PGAP1: variants seen among roughly 807,000 people sequenced by gnomAD.
PGAP1 encodes the protein post-GPI attachment to proteins inositol deacylase 1, also known as GPI inositol-deacylase.
Under a neutral mutation model 127.0 loss-of-function variants are expected in PGAP1, and 76 were observed. That is an observed-to-expected ratio of 0.60 (90% CI 0.50 to 0.72). PGAP1 has a LOEUF of 0.72. Among genes scored for constraint, PGAP1 ranks in the 30% least tolerant of loss-of-function variants. The probability of loss-of-function intolerance (pLI) is 0.00; values close to 1 mark genes in which losing one functional copy is unlikely to be tolerated. For synonymous variants in PGAP1, 362 were observed against 366.5 expected (o/e 0.99, Z 0.14); for missense variants, 982 against 1,071.3 (o/e 0.92, Z 1.16).
chr2:196,837,416 C>T lies in PGAP1; in HGVS notation c.*3818G>A, dbSNP rs992309259. 2.6e-5 allele frequency: 4 copies of T among 152,186 alleles called. No homozygotes were observed. Among genetic ancestry groups the T allele is most frequent in the African/African-American group, 9.7e-5 (4 of 41,386 alleles). 9.4% of individuals were successfully genotyped at this position (152,186 alleles called of 1,614,324 possible). A position where few individuals can be genotyped will look rare whatever the true frequency, so the allele number is the denominator to read the frequency against. On this transcript the variant is annotated 3_prime_UTR_variant, in exon 27 of 27. Transcript: ENST00000354764. ...GCCGAGGTGGGAGGATCGCTTGAAACCAGGAGTTCAAGATCAGCTTGGGCA... is the reference window on the plus strand; with the variant it reads ...GCCGAGGTGGGAGGATCGCTTGAAATCAGGAGTTCAAGATCAGCTTGGGCA...
Position 196,839,421 on chromosome 2 carries a change from T to G in PGAP1, c.*1813A>C, listed in dbSNP as rs528476301. On this transcript the variant is annotated 3_prime_UTR_variant, in exon 27 of 27. Transcript: ENST00000354764. ...GGGACAAGTATATAATCTAATAAATTCTCTCTCTTTCCTCTCCAGCTGAAA... is the reference window on the plus strand; with the variant it reads ...GGGACAAGTATATAATCTAATAAATGCTCTCTCTTTCCTCTCCAGCTGAAA... 1.3e-5 allele frequency: 2 copies of G among 152,296 alleles called. No individual in the cohort carries two copies. The highest frequency in any genetic ancestry group is 3.9e-4 in the East Asian group (2 of 5,184). The allele number at this position is 152,296 out of a possible 1,614,324, so 9.4% of individuals were successfully genotyped here. A position where few individuals can be genotyped will look rare whatever the true frequency, so the allele number is the denominator to read the frequency against.
At chr2:196,900,329 T>C (rs2125825575) in intron 5 of PGAP1, among the ~76,000 whole-genome samples, 1 of 152,334 alleles carries the variant, frequency 6.6e-6, no homozygotes, top group Non-Finnish European at 1.5e-5. Context: ...TCATTATCTG[T>C]GTGGGACTAT....
rs1432578048 is a variant in PGAP1 at position 196,847,218 on chromosome 2, T to C, written c.1953-18A>G. On this transcript the variant is annotated intron_variant, in intron 21 of 26. Transcript: ENST00000354764. Reference sequence around the variant, plus strand: ...ATTTATACCTGTGGAGAAAAGAAAATATAAAAGCAAAAAACCCAACAACTG... The same window carrying C: ...ATTTATACCTGTGGAGAAAAGAAAACATAAAAGCAAAAAACCCAACAACTG... 3.2e-6 allele frequency: 5 copies of C among 1,575,934 alleles called. No homozygotes were observed. Among genetic ancestry groups the C allele is most frequent in the Non-Finnish European group, 4.3e-6 (5 of 1,158,716 alleles).
intron 3 of PGAP1, 85 bp downstream of exon 3, chr2:196,916,333 T>C (rs1248504006): frequency 8.1e-7 from 1 of 1,231,910 alleles, no homozygotes; most frequent in African/African-American, 1.5e-5. Context: ...TATAAACAAA[T>C]ACATGATTTA....
intron 10 of PGAP1, among the ~76,000 whole-genome samples, chr2:196,888,951 A>C (rs570537950): frequency 1.7e-4 from 26 of 152,302 alleles, no homozygotes; most frequent in Admixed American, 1.6e-3. Flanking sequence ...AGTATTGATA[A>C]CTGTTAAAGC....
intron 9 of PGAP1, among the ~76,000 whole-genome samples, chr2:196,891,716 A>G (rs1397372459): frequency 6.6e-6 from 1 of 152,146 alleles, no homozygotes; most frequent in Non-Finnish European, 1.5e-5. Context: ...GTAAGTATAT[A>G]GAATTAACTA....
At chr2:196,855,877 G>C (rs1234678474) in intron 20 of PGAP1, among the ~76,000 whole-genome samples, 1 of 152,156 alleles carries the variant, frequency 6.6e-6, no homozygotes. Context: ...TGTTATATTT[G>C]AGAAGATGCA....
At chr2:196,857,083 A>C (rs1333157831) in intron 20 of PGAP1, among the ~76,000 whole-genome samples, 1 of 152,198 alleles carries the variant, frequency 6.6e-6, no homozygotes, top group Non-Finnish European at 1.5e-5. Flanking sequence ...GGGCATCGAA[A>C]TAGGAAGAGA....
intron 7 of PGAP1, 53 bp from the exon 8 acceptor site, chr2:196,893,298 T>C: frequency 2.1e-6 from 2 of 965,864 alleles, no homozygotes; most frequent in South Asian, 2.9e-5. Flanking sequence ...TGTAATAGCT[T>C]GATGAAACAT....
chr2:196,892,696 G>A (rs1023388275), intron 8 of PGAP1, among the ~76,000 whole-genome samples: 1 of 151,840 alleles, frequency 6.6e-6, no homozygotes, highest in Non-Finnish European at 1.5e-5. Context: ...AATATAACAG[G>A]TATAATTTGC....
intron 3 of PGAP1, among the ~76,000 whole-genome samples, chr2:196,913,636 C>T (rs1457880952): frequency 6.6e-6 from 1 of 152,148 alleles, no homozygotes; most frequent in African/African-American, 2.4e-5. Flanking sequence ...CAACAATCTC[C>T]TCAGTCTCAT....
intron 24 of PGAP1, 46 bp from the exon 25 acceptor site, chr2:196,844,121 T>C (rs779744759): frequency 1.8e-6 from 2 of 1,129,828 alleles, no homozygotes; most frequent in Non-Finnish European, 2.4e-6. Context: ...AACAAAAGTA[T>C]ATTACTTTAT....
chr2:196,916,338 G>T lies in PGAP1; in HGVS notation c.477+80C>A, dbSNP rs144588150. On this transcript the variant is annotated intron_variant, in intron 3 of 26. Transcript: ENST00000354764. Reference sequence around the variant, plus strand: ...TCAACTTCCATATAAACAAATACATGATTTAAAGTATACTGAATCCCTTTT... The same window carrying T: ...TCAACTTCCATATAAACAAATACATTATTTAAAGTATACTGAATCCCTTTT... 1,007 of 1,258,488 alleles carry T rather than the reference G, an allele frequency of 8.0e-4. 6 individuals carry two copies. The African/African-American group carries it at 0.014, about 17-fold the overall frequency. 78.0% of individuals were successfully genotyped at this position (1,258,488 alleles called of 1,614,324 possible). A position where few individuals can be genotyped will look rare whatever the true frequency, so the allele number is the denominator to read the frequency against.
intron 25 of PGAP1, among the ~76,000 whole-genome samples, chr2:196,843,669 C>G (rs1291010383): frequency 6.6e-6 from 1 of 152,024 alleles, no homozygotes; most frequent in African/African-American, 2.4e-5. Context: ...GCGGAAGTTG[C>G]AGTGAGCTGA....
intron 7 of PGAP1, 137 bp from the exon 8 acceptor site, chr2:196,893,382 C>A (rs929321742): frequency 1.8e-5 from 7 of 392,780 alleles, no homozygotes; most frequent in Non-Finnish European, 2.8e-5. Flanking sequence ...TGTACATAAA[C>A]TCACTCAATC....
chr2:196,912,580 T>C (rs1033407063), intron 4 of PGAP1, among the ~76,000 whole-genome samples: 1 of 82,480 alleles, frequency 1.2e-5, no homozygotes, highest in Non-Finnish European at 2.5e-5. Context: ...ACCCTGTCTT[T>C]AAAAAAAAAA....
chr2:196,855,312 G>A (rs1040803372), intron 20 of PGAP1, among the ~76,000 whole-genome samples: 10 of 128,586 alleles, frequency 7.8e-5, no homozygotes, highest in East Asian at 2.2e-4. Flanking sequence ...GCGACAGAGC[G>A]AGACTCTGTC....
rs528133927 is a variant in PGAP1, at chr2:196,859,001, G to GA, written c.1861+5985dup. 1.5e-3 allele frequency among the ~76,000 whole-genome samples: 220 copies of GA among 150,626 alleles called. 1 individual carries two copies. The highest frequency in any genetic ancestry group is 1.8e-3 in the Non-Finnish European group (119 of 67,532). On this transcript the variant is annotated intron_variant, in intron 20 of 26. Transcript: ENST00000354764. ...ATCCAGCCTACCAAGGTTGAATCAA[G>GA]AAAAAAAAATAGGAAACCTGAACAG... is the stretch of plus-strand genomic sequence containing the variant.
Position 196,838,968 on chromosome 2 carries a change from T to G in PGAP1, c.*2266A>C, listed in dbSNP as rs1700323934. On this transcript the variant is annotated 3_prime_UTR_variant, in exon 27 of 27. Transcript: ENST00000354764. ...CTGAGGCAGGGGCATCACTTGCACC[T>G]GGGAGGTGGAGGTTGCAGTGAGCTG... 6.6e-6 allele frequency: 1 copy of G among 152,356 alleles called. No homozygotes were observed. The highest frequency in any genetic ancestry group is 1.5e-5 in the Non-Finnish European group (1 of 68,154). The allele number at this position is 152,356 out of a possible 1,614,324, so 9.4% of individuals were successfully genotyped here. A position where few individuals can be genotyped will look rare whatever the true frequency, so the allele number is the denominator to read the frequency against.
Sources: gnomAD v4.1 joint callset for allele counts (sites outside exome capture counted in the v4.1 genomes callset) on GRCh38, gnomAD v4.1.1 for gene constraint, MANE v1.5 for transcripts, NCBI Gene and HGNC (gene_info 2026-07-23, HGNC 2026-07-21) for gene names.